Variants in KIAA1217 observed in about 807,000 individuals in gnomAD.
The protein encoded by KIAA1217 is sickle tail protein homolog.
In KIAA1217, 88 loss-of-function variants were observed where a neutral mutation model predicts 163.9. That is an observed-to-expected ratio of 0.54 (90% confidence interval 0.45 to 0.64). The LOEUF (loss-of-function observed/expected upper bound fraction) is 0.64. Ranked by LOEUF, KIAA1217 falls within the 30% of genes least tolerant of loss-of-function variation. KIAA1217 has a pLI of 0.00. For synonymous variants in KIAA1217, 903 were observed against 923.1 expected (o/e 0.98, Z 0.39); for missense variants, 2,372 against 2,475.0 (o/e 0.96, Z 0.88).
intron 19 of KIAA1217, 76 bp downstream of exon 19, chr10:24,544,557 G>T: frequency 3.4e-6 from 5 of 1,489,054 alleles, no homozygotes; most frequent in South Asian, 1.4e-5. Flanking sequence ...AGTGAAAGGT[G>T]TCTTGTAACT....
At chr10:24,060,171 A>C (rs1419467420) in intron 2 of KIAA1217, among the ~76,000 whole-genome samples, 4 of 150,534 alleles carry the variant, frequency 2.7e-5, no homozygotes, top group African/African-American at 9.8e-5. Context: ...TTGTTTTGCT[A>C]TTCTCTATTC....
intron 3 of KIAA1217, among the ~76,000 whole-genome samples, chr10:24,383,563 G>A (rs2053606050): frequency 6.6e-6 from 1 of 152,206 alleles, no homozygotes; most frequent in South Asian, 2.1e-4. Flanking sequence ...GCTGTAGAGT[G>A]CCGGTGTGCT....
intron 1 of KIAA1217, among the ~76,000 whole-genome samples, chr10:23,964,370 C>A (rs1160214137): frequency 2.0e-5 from 3 of 150,864 alleles, no homozygotes; most frequent in African/African-American, 4.9e-5. Flanking sequence ...GGATACATTG[C>A]AAAAATTTTC....
rs530479882 is a variant in KIAA1217, at chr10:23,850,214, C to A, written c.-321+154980C>A. On this transcript the variant is annotated intron_variant, in intron 1 of 18. Transcript: ENST00000376462. ...CCTCTGAAAGAAACAGAATAGTTCA[C>A]TCCATGGTTAACATCTTCTAGATAA... 5.8e-4 allele frequency among the ~76,000 whole-genome samples: 89 copies of A among 152,232 alleles called. No individual in the cohort carries two copies. In the South Asian group the frequency reaches 8.3e-3, roughly 14 times the overall value.
intron 1 of KIAA1217, among the ~76,000 whole-genome samples, chr10:23,801,405 C>A (rs1456325567): frequency 1.3e-5 from 2 of 152,122 alleles, no homozygotes; most frequent in African/African-American, 4.8e-5. Flanking sequence ...CAGAAAACCA[C>A]CATGGCACGT....
chr10:24,215,271 G>T (rs1203807624), intron 1 of KIAA1217, among the ~76,000 whole-genome samples: 1 of 152,156 alleles, frequency 6.6e-6, no homozygotes, highest in Non-Finnish European at 1.5e-5. Context: ...AGGAGGAGTT[G>T]CCCTGGGCTC....
At chr10:24,205,835 C>T (rs571588081), upstream of KIAA1217, among the ~76,000 whole-genome samples, 5 of 152,014 alleles carry the variant, frequency 3.3e-5, no homozygotes, top group African/African-American at 1.2e-4. Flanking sequence ...ACATGCTTTC[C>T]ACAACCCTAT....
intron 1 of KIAA1217, among the ~76,000 whole-genome samples, chr10:23,921,440 GT>G (rs1842844813): frequency 6.6e-6 from 1 of 152,136 alleles, no homozygotes; most frequent in Non-Finnish European, 1.5e-5. Flanking sequence ...CCAGCACATT[GT>G]TGTCACTTCC....
At chr10:24,486,570 C>T (rs576608054) in intron 6 of KIAA1217, among the ~76,000 whole-genome samples, 2 of 152,314 alleles carry the variant, frequency 1.3e-5, no homozygotes, top group East Asian at 3.9e-4. Flanking sequence ...GCCTCCCCAG[C>T]TCTCCTCAGT....
intron 3 of KIAA1217, among the ~76,000 whole-genome samples, chr10:24,405,151 G>A (rs1591660487): frequency 1.3e-5 from 2 of 152,254 alleles, no homozygotes; most frequent in South Asian, 2.1e-4. Context: ...ACATGTGTAT[G>A]TGTATCAACC....
chr10:24,094,052 G>A, intron 2 of KIAA1217, among the ~76,000 whole-genome samples: 1 of 151,280 alleles, frequency 6.6e-6, no homozygotes, highest in Non-Finnish European at 1.5e-5. Context: ...GTCTATCATT[G>A]TTGGACATTT....
At chr10:24,090,164 C>CTTTTTTTTTTTTT (rs1162687231) in intron 2 of KIAA1217, among the ~76,000 whole-genome samples, 43 of 109,228 alleles carry the variant, frequency 3.9e-4, no homozygotes, top group Middle Eastern at 4.4e-3. Flanking sequence ...TTTTCTTTTT[C>CTTTTTTTTTTTTT]TTTTTTTTTT....
At chr10:24,125,464 C>T (rs966127923) in intron 2 of KIAA1217, among the ~76,000 whole-genome samples, 1 of 151,164 alleles carries the variant, frequency 6.6e-6, no homozygotes, top group Non-Finnish European at 1.5e-5. Context: ...AATGAATTGA[C>T]CATTTTTGGC....
chr10:24,486,348 C>T (rs1037729151), intron 6 of KIAA1217, among the ~76,000 whole-genome samples: 1 of 152,238 alleles, frequency 6.6e-6, no homozygotes, highest in Non-Finnish European at 1.5e-5. Context: ...ATGCCCTTCT[C>T]GGCTGGACTG....
rs141492441 is a variant in KIAA1217, at chr10:24,111,136, C to T, written c.-171+103762C>T. On this transcript the variant is annotated intron_variant, in intron 2 of 18. Transcript: ENST00000376462. ...TTCTTATACATTATGGGAACATAAA[C>T]TTTATTGCTGTCTCATTACCATGCA... 5.1e-3 allele frequency among the ~76,000 whole-genome samples: 770 copies of T among 152,228 alleles called. 3 individuals carry two copies. The highest frequency in any genetic ancestry group is 0.028 in the East Asian group (147 of 5,182).
intron 2 of KIAA1217, among the ~76,000 whole-genome samples, chr10:24,070,754 C>T (rs1243534712): frequency 6.6e-6 from 1 of 152,118 alleles, no homozygotes; most frequent in Non-Finnish European, 1.5e-5. Context: ...AACTCACTTT[C>T]ATTTGCACAT....
intron 10 of KIAA1217, among the ~76,000 whole-genome samples, chr10:24,513,682 A>G (rs2069558368): frequency 1.3e-5 from 2 of 151,872 alleles, no homozygotes; most frequent in Admixed American, 1.3e-4. Context: ...TGGGCATGGT[A>G]GTTCACACCT....
chr10:24,484,439 G>T (rs530125745), intron 6 of KIAA1217, among the ~76,000 whole-genome samples: 1 of 151,452 alleles, frequency 6.6e-6, no homozygotes, highest in Admixed American at 6.6e-5. Flanking sequence ...TAGAGACAAG[G>T]TTTCACCATG....
intron 1 of KIAA1217, among the ~76,000 whole-genome samples, chr10:24,212,130 G>C (rs555440367): frequency 6.6e-6 from 1 of 151,134 alleles, no homozygotes; most frequent in South Asian, 2.1e-4. Context: ...GGAGAGGAGA[G>C]GAAAAAAGAA....
Sources: gnomAD v4.1 joint callset for allele counts (sites outside exome capture counted in the v4.1 genomes callset) on GRCh38, gnomAD v4.1.1 for gene constraint, MANE v1.5 for transcripts, NCBI Gene and HGNC (gene_info 2026-07-23, HGNC 2026-07-21) for gene names.